Variants in TAF2 observed in about 807,000 individuals in gnomAD.
TAF2 encodes TATA-box binding protein associated factor 2, also known as transcription initiation factor TFIID subunit 2.
A neutral mutation model predicts 138.5 loss-of-function variants in TAF2; 61 were observed. That is an observed-to-expected ratio of 0.44 (90% CI 0.36 to 0.54). The LOEUF (loss-of-function observed/expected upper bound fraction) is 0.54. TAF2 is among the 20% of genes least tolerant of loss of function. TAF2 has a pLI of 0.00. For missense variants in TAF2, 1,090 were observed against 1,427.9 expected, an observed-to-expected ratio of 0.76 and a Z score of 3.81; for synonymous variants, 475 against 469.9, an observed-to-expected ratio of 1.01 and a Z score of -0.14.
At position 119,788,504 on chromosome 8, in the gene TAF2, T is replaced by C. The variant is rs1385556639; in HGVS notation, c.1684-57A>G. ...GTGATTTAAAAAATACCAATATGTA[T>C]GCTTATGTGTACAGAGAAATATAAA... On this transcript the variant is annotated intron_variant, in intron 13 of 25. Transcript: ENST00000378164. 7 of 1,252,864 alleles carry C rather than the reference T, an allele frequency of 5.6e-6. No homozygotes were observed. The Admixed American group carries it at 5.6e-5, about 10-fold the overall frequency. 77.6% of individuals were successfully genotyped at this position (1,252,864 alleles called of 1,614,324 possible). A position where few individuals can be genotyped will look rare whatever the true frequency, so the allele number is the denominator to read the frequency against.
chr8:119,750,746 C>A (rs956799542), intron 22 of TAF2, among the ~76,000 whole-genome samples: 4 of 152,210 alleles, frequency 2.6e-5, no homozygotes, highest in Non-Finnish European at 5.9e-5. Context: ...TTTTCTTACT[C>A]TGAAACCTGG....
chr8:119,736,198 T>C (rs1819213727), intron 25 of TAF2, among the ~76,000 whole-genome samples: 1 of 152,208 alleles, frequency 6.6e-6, no homozygotes, highest in African/African-American at 2.4e-5. Flanking sequence ...TGAATCCAAT[T>C]TTTTGTCTAG....
rs767957614 is a variant in TAF2, at chr8:119,756,090, TA to T, written c.2793del (p.Lys932ArgfsTer19). On this transcript the variant is annotated frameshift_variant, in exon 22 of 26. Coordinates refer to ENST00000378164, the MANE Select transcript of TAF2 (RefSeq NM_003184.4). LOFTEE classifies it high-confidence loss of function. Reference sequence around the variant, plus strand: ...ATGTTCTTAGTAAATGGTGGGTTCTTAGTCAACATGTTGAGAATCTTATGCC... The same window carrying T: ...ATGTTCTTAGTAAATGGTGGGTTCTTGTCAACATGTTGAGAATCTTATGCC... ...YVRHKILNML[T>X]KNPPFTKNME... The T allele has an allele frequency of 6.2e-7, 1 of 1,613,610 alleles. No homozygotes were observed. The highest frequency in any genetic ancestry group is 1.7e-5 in the Admixed American group (1 of 60,018).
At position 119,793,341 on chromosome 8, in the gene TAF2, T is replaced by C. The variant is rs570730295; in HGVS notation, c.1277+25A>G. The stretch of plus-strand genomic sequence containing the variant: ...TGTTATATATAGTCAAGGTTTATAA[T>C]ATCATCTCTGAACAATAAACATACT... On this transcript the variant is annotated intron_variant, in intron 10 of 25. Transcript: ENST00000378164. The C allele has an allele frequency of 1.7e-5, 27 of 1,574,442 alleles. No homozygotes were observed. The South Asian group carries it at 2.8e-4, about 16-fold the overall frequency.
chr8:119,831,338 A>AT (rs1275881978), intron 2 of TAF2, among the ~76,000 whole-genome samples: 7 of 152,224 alleles, frequency 4.6e-5, no homozygotes, highest in Admixed American at 4.6e-4. Flanking sequence ...ATTAATCTTA[A>AT]TTTTTTTCAT....
At chr8:119,831,347 A>G (rs1027443925) in intron 2 of TAF2, among the ~76,000 whole-genome samples, 2 of 152,164 alleles carry the variant, frequency 1.3e-5, no homozygotes, top group African/African-American at 4.8e-5. Context: ...AATTTTTTTC[A>G]TAGAAGAAAT....
chr8:119,792,783 C>T (rs1409266022), intron 10 of TAF2, among the ~76,000 whole-genome samples: 1 of 152,250 alleles, frequency 6.6e-6, no homozygotes, highest in African/African-American at 2.4e-5. Flanking sequence ...CCATCCCTTC[C>T]ACCTTGTGAG....
In TAF2 at chr8:119,758,253, G is replaced by A. The variant is rs1013436240; in HGVS notation, c.2699-111C>T. The A allele has an allele frequency of 7.9e-5, 74 of 939,650 alleles. 2 individuals are homozygous for A. The Admixed American group carries it at 1.4e-3, about 18-fold the overall frequency. 58.2% of individuals were successfully genotyped at this position (939,650 alleles called of 1,614,324 possible). A position where few individuals can be genotyped will look rare whatever the true frequency, so the allele number is the denominator to read the frequency against. ...ATATTTAGGACTCTGCCTTAGCTGA[G>A]TTTTCAATCAGAGTTGAAGGTTATA... is the stretch of plus-strand genomic sequence containing the variant. On this transcript the variant is annotated intron_variant, in intron 20 of 25. Transcript: ENST00000378164.
intron 25 of TAF2, among the ~76,000 whole-genome samples, chr8:119,738,203 AT>A (rs1446124831): frequency 6.6e-6 from 1 of 151,764 alleles, no homozygotes; most frequent in Non-Finnish European, 1.5e-5. Flanking sequence ...CTTATTATCT[AT>A]CTCTCCTAAA....
At chr8:119,780,295 A>T (rs562677519) in intron 17 of TAF2, among the ~76,000 whole-genome samples, 1 of 152,348 alleles carries the variant, frequency 6.6e-6, no homozygotes, top group East Asian at 1.9e-4. Flanking sequence ...ACTTAATATA[A>T]GCATAGCATA....
chr8:119,806,445 C>G (rs1210013217), intron 3 of TAF2, 44 bp from the exon 4 acceptor site: 1 of 1,235,072 alleles, frequency 8.1e-7, no homozygotes, highest in African/African-American at 1.5e-5. Context: ...AGCCATGTAT[C>G]TTACCAAGCA....
intron 2 of TAF2, among the ~76,000 whole-genome samples, chr8:119,830,923 T>C (rs191640152): frequency 2.0e-4 from 31 of 152,144 alleles, no homozygotes; most frequent in Admixed American, 1.8e-3. Context: ...CTGGCCAACA[T>C]GGAGAAAACT....
chr8:119,791,250 T>C, intron 11 of TAF2, 74 bp downstream of exon 11: 1 of 1,565,106 alleles, frequency 6.4e-7, no homozygotes, highest in Non-Finnish European at 8.7e-7. Context: ...ACTCCTATTC[T>C]ACAGAAACAT....
At chr8:119,767,263 G>A (rs773676049) in intron 18 of TAF2, 1 of 152,160 alleles carries the variant, frequency 6.6e-6, no homozygotes, top group Non-Finnish European at 1.5e-5. Flanking sequence ...AGGAATCAAA[G>A]TAACAAGTAA....
rs1017417386 is a variant in TAF2, at chr8:119,801,789, C to T, written c.792+5G>A. ...GGAGAGTAAGAGAGGAAAGCTCTGA[C>T]TTACCTCATGCATGTATGGATCTAC... On this transcript the variant is annotated splice_donor_5th_base_variant and intron_variant, in intron 6 of 25. Coordinates refer to ENST00000378164, the MANE Select transcript of TAF2 (RefSeq NM_003184.4). 1.9e-6 allele frequency: 3 copies of T among 1,612,436 alleles called. No individual in the cohort carries two copies. In the African/African-American group the frequency reaches 4.0e-5, roughly 22 times the overall value.
intron 20 of TAF2, 27 bp from the exon 21 acceptor site, chr8:119,758,169 TG>T: frequency 3.2e-6 from 5 of 1,558,538 alleles, no homozygotes; most frequent in Non-Finnish European, 4.4e-6. Flanking sequence ...ATATATTTGT[TG>T]TTAATTATAA....
At position 119,788,774 on chromosome 8, in the gene TAF2, T is replaced by C; in HGVS notation, c.1683+16A>G. On this transcript the variant is annotated intron_variant, in intron 13 of 25. Transcript: ENST00000378164. ...AGGAGATAGCAGTACAAAGGCGATT[T>C]TGGAAAAAGACTTACCACGTATTTC... 6.3e-7 allele frequency: 1 copy of C among 1,584,240 alleles called. No homozygotes were observed. Among genetic ancestry groups the C allele is most frequent in the Non-Finnish European group, 8.7e-7 (1 of 1,152,824 alleles).
intron 2 of TAF2, among the ~76,000 whole-genome samples, chr8:119,820,280 G>C (rs956949524): frequency 1.3e-5 from 2 of 152,078 alleles, no homozygotes; most frequent in African/African-American, 4.8e-5. Flanking sequence ...CATAAAACAA[G>C]GGACAGCATG....
chr8:119,796,661 T>C (rs1445258519), intron 8 of TAF2, among the ~76,000 whole-genome samples: 1 of 152,120 alleles, frequency 6.6e-6, no homozygotes, highest in Non-Finnish European at 1.5e-5. Context: ...TTTACCAAAA[T>C]CTTACCTTAT....
Sources: allele counts gnomAD v4.1 joint callset (sites outside exome capture counted in the v4.1 genomes callset), GRCh38; gene constraint gnomAD v4.1.1; transcripts MANE v1.5; gene names NCBI Gene and HGNC (gene_info 2026-07-23, HGNC 2026-07-21).